Variants in MDGA2 observed in about 807,000 individuals in gnomAD.
MDGA2 encodes the protein MAM domain-containing glycosylphosphatidylinositol anchor protein 2.
In MDGA2, 40 loss-of-function variants were observed where a neutral mutation model predicts 117.8. That is an observed-to-expected ratio of 0.34 (90% CI 0.26 to 0.44). The LOEUF is 0.44. Ranked by LOEUF, MDGA2 falls within the 20% of genes least tolerant of loss-of-function variation. MDGA2 has a pLI of 1.00. For missense variants in MDGA2, 1,123 were observed against 1,250.6 expected, an observed-to-expected ratio of 0.90 and a Z score of 1.54; for synonymous variants, 452 against 439.0, an observed-to-expected ratio of 1.03 and a Z score of -0.37.
chr14:46,858,854 T>A (rs1881391286), intron 14 of MDGA2, among the ~76,000 whole-genome samples: 1 of 152,204 alleles, frequency 6.6e-6, no homozygotes, highest in Non-Finnish European at 1.5e-5. Flanking sequence ...GGATATCTAG[T>A]TACTTTCAGT....
intron 8 of MDGA2, among the ~76,000 whole-genome samples, chr14:46,961,409 A>C (rs1034849490): frequency 1.3e-5 from 2 of 152,124 alleles, no homozygotes; most frequent in African/African-American, 2.4e-5. Flanking sequence ...TCTGTACTGC[A>C]TTATGAATAA....
chr14:46,937,957 A>T (rs1403306229), intron 9 of MDGA2, among the ~76,000 whole-genome samples: 1 of 152,202 alleles, frequency 6.6e-6, no homozygotes, highest in African/African-American at 2.4e-5. Context: ...AAATGGGATT[A>T]CATTAAACCA....
intron 10 of MDGA2, among the ~76,000 whole-genome samples, chr14:46,896,630 T>C (rs1023682298): frequency 6.6e-6 from 1 of 152,066 alleles, no homozygotes; most frequent in African/African-American, 2.4e-5. Context: ...GGATGTTATC[T>C]AAAACATATT....
chr14:47,541,301 T>A (rs1461529719), intron 1 of MDGA2, among the ~76,000 whole-genome samples: 1 of 152,218 alleles, frequency 6.6e-6, no homozygotes, highest in Non-Finnish European at 1.5e-5. Context: ...TAATTCAATT[T>A]GAGAACAAGA....
intron 1 of MDGA2, among the ~76,000 whole-genome samples, chr14:47,351,132 G>A (rs1198751338): frequency 6.9e-6 from 1 of 145,704 alleles, no homozygotes; most frequent in Non-Finnish European, 1.5e-5. Flanking sequence ...TGGCTGGAGT[G>A]CAATGGCACG....
At chr14:46,854,675 T>G (rs1274794313) in intron 15 of MDGA2, among the ~76,000 whole-genome samples, 5 of 151,844 alleles carry the variant, frequency 3.3e-5, no homozygotes, top group Non-Finnish European at 7.4e-5. Context: ...GATTGAGAAT[T>G]GATTACCAAG....
At chr14:47,326,970 C>T (rs1890162950) in intron 1 of MDGA2, among the ~76,000 whole-genome samples, 1 of 152,038 alleles carries the variant, frequency 6.6e-6, no homozygotes, top group Admixed American at 6.6e-5. Flanking sequence ...GGCTGCTTAC[C>T]AAGGAGAGGA....
chr14:47,322,066 G>C (rs138511073), intron 1 of MDGA2, among the ~76,000 whole-genome samples: 19 of 152,236 alleles, frequency 1.2e-4, no homozygotes, highest in Non-Finnish European at 2.1e-4. Flanking sequence ...ACTGAGTGGA[G>C]AGAAAGAGAG....
chr14:47,493,785 A>G (rs1243554816), intron 1 of MDGA2, among the ~76,000 whole-genome samples: 3 of 152,214 alleles, frequency 2.0e-5, no homozygotes, highest in Non-Finnish European at 4.4e-5. Flanking sequence ...AATGCATATA[A>G]CAAATGCAAT....
At chr14:47,544,232 C>T (rs757752181) in intron 1 of MDGA2, among the ~76,000 whole-genome samples, 4 of 152,136 alleles carry the variant, frequency 2.6e-5, no homozygotes, top group South Asian at 2.1e-4. Flanking sequence ...CATGAGACTA[C>T]GTGTGTAAGC....
At chr14:47,642,470 G>A (rs1323214096) in intron 1 of MDGA2, among the ~76,000 whole-genome samples, 1 of 152,006 alleles carries the variant, frequency 6.6e-6, no homozygotes, top group African/African-American at 2.4e-5. Flanking sequence ...GGCTTCGAGA[G>A]AGCTTTAGTT....
chr14:47,496,977 T>C (rs1386407999), intron 1 of MDGA2, among the ~76,000 whole-genome samples: 1 of 151,900 alleles, frequency 6.6e-6, no homozygotes, highest in Non-Finnish European at 1.5e-5. Flanking sequence ...ACCCCTCTCA[T>C]GCACGTGCAG....
intron 3 of MDGA2, among the ~76,000 whole-genome samples, chr14:47,173,312 C>A (rs1292887609): frequency 6.6e-6 from 1 of 152,102 alleles, no homozygotes; most frequent in Admixed American, 6.6e-5. Context: ...CACAAAGATA[C>A]TCCTCAAGAA....
At chr14:47,410,454 T>G (rs2138484224) in intron 1 of MDGA2, among the ~76,000 whole-genome samples, 1 of 152,320 alleles carries the variant, frequency 6.6e-6, no homozygotes, top group South Asian at 2.1e-4. Context: ...TTTTTGTTTT[T>G]ACATACTTGT....
At chr14:47,010,799 C>T (rs958806007) in intron 8 of MDGA2, among the ~76,000 whole-genome samples, 1 of 152,022 alleles carries the variant, frequency 6.6e-6, no homozygotes, top group Non-Finnish European at 1.5e-5. Context: ...GAAATGTCTT[C>T]ATCTAACTCA....
At chr14:47,099,379 G>A (rs953349498) in intron 5 of MDGA2, among the ~76,000 whole-genome samples, 10 of 151,772 alleles carry the variant, frequency 6.6e-5, no homozygotes, top group African/African-American at 2.4e-4. Context: ...AGTAAAAACT[G>A]ATATAGGAAA....
intron 1 of MDGA2, among the ~76,000 whole-genome samples, chr14:47,382,105 A>G (rs1163679968): frequency 6.6e-6 from 1 of 152,230 alleles, no homozygotes; most frequent in Non-Finnish European, 1.5e-5. Flanking sequence ...GAATGGGGAA[A>G]GGATTCCCTA....
chr14:47,664,609 C>G (rs1182134643), intron 1 of MDGA2, among the ~76,000 whole-genome samples: 1 of 152,170 alleles, frequency 6.6e-6, no homozygotes, highest in East Asian at 1.9e-4. Flanking sequence ...GAAGAAAGCC[C>G]ACGTTACCCA....
At chr14:47,279,009 T>A (rs887358600) in intron 2 of MDGA2, among the ~76,000 whole-genome samples, 6 of 152,310 alleles carry the variant, frequency 3.9e-5, no homozygotes, top group African/African-American at 1.4e-4. Flanking sequence ...TGTATCTAAT[T>A]CCCTAAAGTT....
Sources: gnomAD v4.1 joint callset for allele counts (sites outside exome capture counted in the v4.1 genomes callset) on GRCh38, gnomAD v4.1.1 for gene constraint, MANE v1.5 for transcripts, NCBI Gene and HGNC (gene_info 2026-07-23, HGNC 2026-07-21) for gene names.